COL22A1: variants seen among roughly 807,000 people sequenced by gnomAD.
COL22A1 encodes collagen alpha-1(XXII) chain.
A neutral mutation model predicts 248.9 loss-of-function variants in COL22A1; 221 were observed. The ratio of observed to expected loss-of-function variants is 0.89; its 90% confidence interval spans 0.80 to 0.99. COL22A1 has a LOEUF of 0.99. Ranked by LOEUF, COL22A1 falls within the 50% of genes least tolerant of loss-of-function variation. The pLI, the probability that COL22A1 is intolerant of heterozygous loss-of-function variation, is 0.00. For missense variants in COL22A1, 2,240 were observed against 2,179.0 expected, an observed-to-expected ratio of 1.03 and a Z score of -0.56; for synonymous variants, 891 against 793.4, an observed-to-expected ratio of 1.12 and a Z score of -2.07.
intron 37 of COL22A1, among the ~76,000 whole-genome samples, chr8:138,687,299 CAA>C (rs947549076): frequency 5.3e-5 from 8 of 152,228 alleles, no homozygotes. Context: ...TCCAAAAACC[CAA>C]GAGAGTCTTC....
intron 22 of COL22A1, among the ~76,000 whole-genome samples, chr8:138,741,274 T>C (rs528601735): frequency 8.6e-4 from 131 of 152,340 alleles, no homozygotes; most frequent in Middle Eastern, 3.4e-3. Flanking sequence ...AAATAAATAC[T>C]TGAGTCATGG....
At chr8:138,841,882 G>C (rs1820910407) in intron 4 of COL22A1, among the ~76,000 whole-genome samples, 1 of 152,198 alleles carries the variant, frequency 6.6e-6, no homozygotes, top group African/African-American at 2.4e-5. Context: ...CCATGGGGAA[G>C]AGCTCTGAAT....
chr8:138,691,303 G>A lies in COL22A1; in HGVS notation c.2755-429C>T, dbSNP rs550309084. 4.0e-4 allele frequency among the ~76,000 whole-genome samples: 60 copies of A among 151,866 alleles called. No homozygotes were observed. The East Asian group carries it at 8.2e-3, about 21-fold the overall frequency. On this transcript the variant is annotated intron_variant, in intron 35 of 64. Coordinates refer to ENST00000303045, the MANE Select transcript of COL22A1 (RefSeq NM_152888.3). ...TATGTATGTGTATGTGTGCACGTGC[G>A]TGTGTGCAGGTTTGTGGAAGCGTAT...
At chr8:138,759,276 A>T (rs948650027) in intron 18 of COL22A1, among the ~76,000 whole-genome samples, 1 of 152,176 alleles carries the variant, frequency 6.6e-6, no homozygotes, top group Non-Finnish European at 1.5e-5. Context: ...CTTCTCCCAT[A>T]TTTAGAGCAT....
chr8:138,629,524 G>A (rs975756491), intron 50 of COL22A1, among the ~76,000 whole-genome samples: 2 of 152,168 alleles, frequency 1.3e-5, no homozygotes, highest in South Asian at 4.1e-4. Flanking sequence ...ACCAGATGAG[G>A]ATCCTAAACC....
chr8:138,843,218 C>CT, intron 4 of COL22A1, among the ~76,000 whole-genome samples: 1 of 152,276 alleles, frequency 6.6e-6, no homozygotes, highest in East Asian at 1.9e-4. Flanking sequence ...ATGCTGGCAT[C>CT]TTTAAGACAG....
chr8:138,639,954 C>G (rs539634124), intron 47 of COL22A1, among the ~76,000 whole-genome samples: 1 of 152,136 alleles, frequency 6.6e-6, no homozygotes, highest in South Asian at 2.1e-4. Flanking sequence ...AGACGGCCAC[C>G]GCAATTACCA....
chr8:138,704,126 G>C (rs1338426140), intron 30 of COL22A1, among the ~76,000 whole-genome samples: 2 of 152,204 alleles, frequency 1.3e-5, no homozygotes, highest in Non-Finnish European at 2.9e-5. Context: ...AAGCAGCCGG[G>C]AGGCTCGAAC....
At chr8:138,692,630 A>G (rs1395326793) in intron 35 of COL22A1, among the ~76,000 whole-genome samples, 2 of 152,064 alleles carry the variant, frequency 1.3e-5, no homozygotes, top group Non-Finnish European at 2.9e-5. Context: ...CTATAGGTGC[A>G]GAGAAGCAGG....
At chr8:138,866,019 CT>C (rs1822870920) in intron 3 of COL22A1, among the ~76,000 whole-genome samples, 1 of 150,828 alleles carries the variant, frequency 6.6e-6, no homozygotes. Flanking sequence ...TTGTATGACT[CT>C]GTGTGTGTGT....
At chr8:138,702,123 T>C (rs888786411) in intron 31 of COL22A1, among the ~76,000 whole-genome samples, 33 of 152,178 alleles carry the variant, frequency 2.2e-4, no homozygotes, top group African/African-American at 6.3e-4. Flanking sequence ...AGCTTAGGGG[T>C]AGGCACTTTG....
At position 138,706,425 on chromosome 8, in the gene COL22A1, A is replaced by G. The variant is rs527776088; in HGVS notation, c.2518-3078T>C. 5.3e-4 allele frequency among the ~76,000 whole-genome samples: 80 copies of G among 152,350 alleles called. 1 individual carries two copies. The highest frequency in any genetic ancestry group is 2.4e-3 in the Admixed American group (36 of 15,300). ...CAGCAAATGTGAAAGAACAGAAATT[A>G]TAACAAACTGTCTCTCAGACCACAG... On this transcript the variant is annotated intron_variant, in intron 30 of 64. Transcript: ENST00000303045.
intron 3 of COL22A1, 96 bp from the exon 4 acceptor site, chr8:138,844,254 C>A (rs1008732508): frequency 8.8e-7 from 1 of 1,137,632 alleles, no homozygotes; most frequent in Admixed American, 1.7e-5. Flanking sequence ...CCCTGCCTTG[C>A]AGCATGTGAG....
intron 47 of COL22A1, among the ~76,000 whole-genome samples, chr8:138,643,028 T>TAA (rs113537470): frequency 6.1e-5 from 8 of 130,572 alleles, no homozygotes; most frequent in Admixed American, 2.3e-4. Context: ...GACTCTATCT[T>TAA]AAAAAAAAAA....
At chr8:138,880,341 C>T (rs752394457) in intron 2 of COL22A1, among the ~76,000 whole-genome samples, 2 of 152,128 alleles carry the variant, frequency 1.3e-5, no homozygotes, top group Admixed American at 6.5e-5. Flanking sequence ...AAAACCTGTG[C>T]GTGTGTGTGC....
At chr8:138,876,972 G>A (rs1337429450) in intron 3 of COL22A1, among the ~76,000 whole-genome samples, 1 of 152,240 alleles carries the variant, frequency 6.6e-6, no homozygotes, top group Non-Finnish European at 1.5e-5. Context: ...GGCAGAAGCT[G>A]GAGACAGTCT....
chr8:138,721,003 T>G (rs1308467145), intron 26 of COL22A1, among the ~76,000 whole-genome samples: 1 of 152,230 alleles, frequency 6.6e-6, no homozygotes, highest in Non-Finnish European at 1.5e-5. Context: ...AATTTTGATT[T>G]AGAAAAATAT....
intron 60 of COL22A1, among the ~76,000 whole-genome samples, chr8:138,599,922 G>A (rs982284388): frequency 3.3e-5 from 5 of 152,180 alleles, no homozygotes; most frequent in African/African-American, 9.7e-5. Flanking sequence ...GAGACTGATG[G>A]TGGAGCTGCT....
At chr8:138,829,460 G>T (rs1487457234) in intron 5 of COL22A1, among the ~76,000 whole-genome samples, 1 of 117,958 alleles carries the variant, frequency 8.5e-6, no homozygotes, top group Non-Finnish European at 1.6e-5. Context: ...AGGCTAGAGT[G>T]CAATGGCATG....
Sources: gnomAD v4.1 joint callset for allele counts (sites outside exome capture counted in the v4.1 genomes callset) on GRCh38, gnomAD v4.1.1 for gene constraint, MANE v1.5 for transcripts, NCBI Gene and HGNC (gene_info 2026-07-23, HGNC 2026-07-21) for gene names.